GRM3: variants seen among roughly 807,000 people sequenced by gnomAD.
The protein encoded by GRM3 is metabotropic glutamate receptor 3.
A neutral mutation model predicts 70.5 loss-of-function variants in GRM3; 26 were observed. That is an observed-to-expected ratio of 0.37 (90% CI 0.27 to 0.51). GRM3 has a LOEUF of 0.51. Among genes scored for constraint, GRM3 ranks in the 20% least tolerant of loss-of-function variants. GRM3 has a pLI of 0.93. For missense variants in GRM3, 859 were observed against 1,123.8 expected (o/e 0.76, Z 3.37); for synonymous variants, 443 against 434.9 (o/e 1.02, Z -0.23).
At chr7:86,848,688 G>A in intron 4 of GRM3, among the ~76,000 whole-genome samples, 1 of 152,022 alleles carries the variant, frequency 6.6e-6, no homozygotes, top group South Asian at 2.1e-4. Context: ...GTTTTTGTGT[G>A]GCCCATCTTG....
chr7:86,765,350 C>A lies in GRM3; in HGVS notation c.205C>A (p.Leu69Met). ...CAATGAAGACCGAGGGATTCAACGCCTGGAAGCCATGTTGTTTGCTATTGA... is the reference window on the plus strand; with the variant it reads ...CAATGAAGACCGAGGGATTCAACGCATGGAAGCCATGTTGTTTGCTATTGA... ...RINEDRGIQR[L>M]EAMLFAIDEI... The change falls in exon 2 of 6, where the codon CTG (leucine) becomes ATG (methionine). Residue 69 changes from leucine (L) to methionine (M), a missense_variant. Coordinates refer to ENST00000361669, the MANE Select transcript of GRM3 (RefSeq NM_000840.3). 6.2e-7 allele frequency: 1 copy of A among 1,613,894 alleles called. No individual in the cohort carries two copies. Among genetic ancestry groups the A allele is most frequent in the Non-Finnish European group, 8.5e-7 (1 of 1,179,888 alleles).
At chr7:86,731,481 C>A (rs547694523) in intron 1 of GRM3, among the ~76,000 whole-genome samples, 1 of 152,220 alleles carries the variant, frequency 6.6e-6, no homozygotes, top group South Asian at 2.1e-4. Context: ...AATATTCAAC[C>A]AGTTTTGATG....
At chr7:86,809,072 A>G (rs945863559) in intron 3 of GRM3, among the ~76,000 whole-genome samples, 1 of 152,096 alleles carries the variant, frequency 6.6e-6, no homozygotes, top group Non-Finnish European at 1.5e-5. Context: ...AGACTTATCA[A>G]TGTTGACATT....
chr7:86,863,794 AG>A (rs1481353160), intron 5 of GRM3, among the ~76,000 whole-genome samples: 1 of 152,178 alleles, frequency 6.6e-6, no homozygotes, highest in African/African-American at 2.4e-5. Context: ...TATTTAAACC[AG>A]TTTATAGATT....
intron 1 of GRM3, chr7:86,710,213 A>G (rs1795161040): frequency 6.6e-6 from 1 of 152,008 alleles, no homozygotes; most frequent in Non-Finnish European, 1.5e-5. Context: ...AATGTAAGTA[A>G]TATAGTCCAC....
chr7:86,736,410 T>A (rs1210006081), intron 1 of GRM3, among the ~76,000 whole-genome samples: 1 of 152,206 alleles, frequency 6.6e-6, no homozygotes, highest in Non-Finnish European at 1.5e-5. Flanking sequence ...CTCTATTGGT[T>A]TGTAACAAAC....
intron 3 of GRM3, among the ~76,000 whole-genome samples, chr7:86,799,203 T>G (rs933238855): frequency 1.6e-4 from 24 of 152,200 alleles, no homozygotes; most frequent in African/African-American, 5.5e-4. Flanking sequence ...ACACTGATTT[T>G]GTATCCTGAG....
intron 1 of GRM3, among the ~76,000 whole-genome samples, chr7:86,760,067 C>A (rs900291416): frequency 1.3e-5 from 2 of 152,026 alleles, no homozygotes; most frequent in East Asian, 3.9e-4. Flanking sequence ...ATTGAGTGTG[C>A]AGGATTTGAG....
intron 1 of GRM3, among the ~76,000 whole-genome samples, chr7:86,698,927 A>G (rs1023965194): frequency 1.3e-5 from 2 of 152,024 alleles, no homozygotes; most frequent in Non-Finnish European, 2.9e-5. Context: ...ATGTATTGTT[A>G]CTAGGAAGCT....
intron 3 of GRM3, among the ~76,000 whole-genome samples, chr7:86,792,394 T>G (rs752646498): frequency 1.8e-4 from 28 of 152,186 alleles, no homozygotes; most frequent in Non-Finnish European, 3.5e-4. Flanking sequence ...GAGCTTCCAT[T>G]TGCTAAGCAT....
chr7:86,659,133 G>A (rs908829730), intron 1 of GRM3, among the ~76,000 whole-genome samples: 4 of 152,080 alleles, frequency 2.6e-5, no homozygotes, highest in Non-Finnish European at 4.4e-5. Flanking sequence ...CATAGAAGAC[G>A]ATTCTTGAAT....
chr7:86,796,793 T>C (rs536197342), intron 3 of GRM3, among the ~76,000 whole-genome samples: 70 of 152,298 alleles, frequency 4.6e-4, no homozygotes, highest in African/African-American at 1.7e-3. Context: ...CCAAATCTCA[T>C]CTTAAATTAT....
intron 1 of GRM3, among the ~76,000 whole-genome samples, chr7:86,660,649 C>G (rs769977821): frequency 1.3e-5 from 1 of 78,172 alleles, no homozygotes; most frequent in Non-Finnish European, 2.7e-5. Context: ...TGATAAAAAG[C>G]ACTTAGTAAA....
intron 1 of GRM3, among the ~76,000 whole-genome samples, chr7:86,715,733 G>A (rs1181324848): frequency 2.6e-5 from 4 of 151,964 alleles, no homozygotes; most frequent in African/African-American, 9.7e-5. Context: ...ATTCATAAAA[G>A]CAATTCTAAT....
intron 1 of GRM3, among the ~76,000 whole-genome samples, chr7:86,745,293 T>C (rs1309405248): frequency 6.6e-6 from 1 of 152,044 alleles, no homozygotes; most frequent in African/African-American, 2.4e-5. Context: ...ATGGCCATGC[T>C]GCTGAGTGGA....
intron 3 of GRM3, among the ~76,000 whole-genome samples, chr7:86,830,893 A>G (rs964323532): frequency 8.5e-5 from 13 of 152,198 alleles, no homozygotes; most frequent in Non-Finnish European, 1.5e-4. Flanking sequence ...AAGGGAAAAT[A>G]TAAACACAGA....
intron 3 of GRM3, among the ~76,000 whole-genome samples, chr7:86,796,407 G>T (rs958575280): frequency 7.9e-5 from 12 of 152,104 alleles, no homozygotes; most frequent in African/African-American, 2.9e-4. Flanking sequence ...TCTCTATTCT[G>T]TTCCATTGGT....
intron 1 of GRM3, among the ~76,000 whole-genome samples, chr7:86,658,939 T>C (rs1330705691): frequency 1.3e-5 from 2 of 152,182 alleles, no homozygotes; most frequent in East Asian, 3.8e-4. Flanking sequence ...AAATGTGTTT[T>C]GTTATTCCTC....
chr7:86,778,689 A>G (rs775662917), intron 2 of GRM3, among the ~76,000 whole-genome samples: 1 of 152,180 alleles, frequency 6.6e-6, no homozygotes, highest in Non-Finnish European at 1.5e-5. Flanking sequence ...ACCTTTCATG[A>G]TAAGCAATGC....
Sources: allele counts gnomAD v4.1 joint callset (sites outside exome capture counted in the v4.1 genomes callset), GRCh38; gene constraint gnomAD v4.1.1; transcripts MANE v1.5; gene names NCBI Gene and HGNC (gene_info 2026-07-23, HGNC 2026-07-21).